The following HNRNPUL1 variants were observed in gnomAD, a reference collection of about 807,000 sequenced individuals.
HNRNPUL1 encodes heterogeneous nuclear ribonucleoprotein U like 1.
A neutral mutation model predicts 108.5 loss-of-function variants in HNRNPUL1; 14 were observed. The observed-to-expected ratio is 0.13, with a 90% CI of 0.09 to 0.20. The LOEUF is 0.20. Among genes scored for constraint, HNRNPUL1 ranks in the 10% least tolerant of loss-of-function variants. The pLI is 1.00. For synonymous variants in HNRNPUL1, 422 were observed against 445.2 expected (o/e 0.95, Z 0.66); for missense variants, 804 against 1,168.3 (o/e 0.69, Z 4.55).
rs1284866109 is a variant in HNRNPUL1 at position 41,306,555 on chromosome 19, G to A, written c.2561G>A (p.Ser854Asn). 6.3e-7 allele frequency: 1 copy of A among 1,582,398 alleles called. No homozygotes were observed. The highest frequency in any genetic ancestry group is 8.6e-7 in the Non-Finnish European group (1 of 1,165,436). ...SYSGNTQGGT[S>N]TQ ...TCCGGGAACACACAGGGTGGCACAA[G>A]TACACAGTAGCCAGTGTGACCCAGA... is the stretch of plus-strand genomic sequence containing the variant. The change falls in exon 15 of 15, where the codon AGT becomes AAT. Residue 854 changes from serine to asparagine, a missense_variant. By Grantham distance (46) the Ser-to-Asn change is conservative. Transcript: ENST00000392006.
chr19:41,277,543 G>C (rs1436929406), intron 5 of HNRNPUL1, among the ~76,000 whole-genome samples: 1 of 152,110 alleles, frequency 6.6e-6, no homozygotes, highest in Non-Finnish European at 1.5e-5. Flanking sequence ...TTTCACTCTT[G>C]TTGTCCAGGC....
intron 10 of HNRNPUL1, among the ~76,000 whole-genome samples, chr19:41,297,009 C>CG (rs1704444916): frequency 6.6e-6 from 1 of 152,200 alleles, no homozygotes; most frequent in Admixed American, 6.5e-5. Context: ...GGCCAGGACT[C>CG]TAACTCCTAC....
rs2035970751 is a variant in HNRNPUL1, at chr19:41,282,694, T to C, written c.999+1419T>C. On this transcript the variant is annotated intron_variant, in intron 7 of 14. Coordinates refer to ENST00000392006, the MANE Select transcript of HNRNPUL1 (RefSeq NM_007040.6). ...TGTGCATATTTTTTTCTTTTTTTCT[T>C]TTTTTTTTTTTTTGAGACGGAGTCT... 2.0e-5 allele frequency among the ~76,000 whole-genome samples: 3 copies of C among 146,998 alleles called. No homozygotes were observed. The South Asian group carries it at 6.4e-4, about 31-fold the overall frequency.
At chr19:41,306,383 G>A (rs1599865298) in intron 14 of HNRNPUL1, 66 bp from the exon 15 acceptor site, 1 of 1,063,462 alleles carries the variant, frequency 9.4e-7, no homozygotes, top group South Asian at 1.7e-5. Flanking sequence ...TGAGGGTGGG[G>A]CTGGTGGGGA....
At chr19:41,303,350 A>ATTTTTT (rs34393408) in intron 12 of HNRNPUL1, among the ~76,000 whole-genome samples, 1 of 119,094 alleles carries the variant, frequency 8.4e-6, no homozygotes, top group African/African-American at 3.3e-5. Flanking sequence ...GCTTCCTCTC[A>ATTTTTT]TTTTTTTTTT....
intron 7 of HNRNPUL1, among the ~76,000 whole-genome samples, chr19:41,291,400 C>T (rs748168310): frequency 3.5e-4 from 53 of 152,292 alleles, no homozygotes; most frequent in Non-Finnish European, 5.6e-4. Context: ...GAACTCAGTT[C>T]GAAAAGGCCC....
intron 6 of HNRNPUL1, among the ~76,000 whole-genome samples, chr19:41,280,683 C>T (rs764210944): frequency 6.6e-6 from 1 of 152,156 alleles, no homozygotes; most frequent in Admixed American, 6.5e-5. Context: ...TGGGATCTCT[C>T]AGTCATATCA....
chr19:41,300,841 G>T (rs1356527198), intron 10 of HNRNPUL1, among the ~76,000 whole-genome samples: 1 of 152,138 alleles, frequency 6.6e-6, no homozygotes, highest in Non-Finnish European at 1.5e-5. Context: ...GAGCTTGCTG[G>T]TTAGAAGCTT....
chr19:41,284,888 C>T (rs573559553), intron 7 of HNRNPUL1, among the ~76,000 whole-genome samples: 3 of 150,400 alleles, frequency 2.0e-5, no homozygotes, highest in South Asian at 4.2e-4. Flanking sequence ...CCCAGCTACT[C>T]GGGAGGCTGA....
intron 7 of HNRNPUL1, among the ~76,000 whole-genome samples, chr19:41,284,063 C>T (rs1285346348): frequency 2.6e-5 from 4 of 152,170 alleles, no homozygotes; most frequent in Non-Finnish European, 5.9e-5. Context: ...AGTGATCTCG[C>T]AATTCTTGTG....
chr19:41,305,222 T>G (rs899852490), intron 13 of HNRNPUL1, among the ~76,000 whole-genome samples: 3 of 152,212 alleles, frequency 2.0e-5, no homozygotes, highest in Admixed American at 1.3e-4. Context: ...TGATCCAACC[T>G]GTACTTGGGA....
At chr19:41,264,281 G>A (rs945350844), upstream of HNRNPUL1, 22 of 402,442 alleles carry the variant, frequency 5.5e-5, no homozygotes, top group Non-Finnish European at 8.2e-5. Context: ...TAGGTTTCCG[G>A]GCCCGCGCCC....
At chr19:41,287,135 CCT>C (rs1408319926) in intron 7 of HNRNPUL1, among the ~76,000 whole-genome samples, 2 of 151,858 alleles carry the variant, frequency 1.3e-5, no homozygotes, top group African/African-American at 4.8e-5. Flanking sequence ...TTTGCCTCAG[CCT>C]CTCAAGTAGC....
chr19:41,272,106 G>GAGCACC lies in HNRNPUL1; in HGVS notation c.444_449dup (p.Ala149_Pro150dup). On this transcript the variant is annotated inframe_insertion, in exon 3 of 15. Coordinates refer to ENST00000392006, the MANE Select transcript of HNRNPUL1 (RefSeq NM_007040.6). ...GAAATGAAGACAGAGATGAAGCAAG[G>GAGCACC]AGCACCCACCAGCTTCCTCCCGCCT... is the stretch of plus-strand genomic sequence containing the variant. 6.2e-7 allele frequency: 1 copy of GAGCACC among 1,614,052 alleles called. No homozygotes were observed. Among genetic ancestry groups the GAGCACC allele is most frequent in the Non-Finnish European group, 8.5e-7 (1 of 1,179,986 alleles).
At chr19:41,280,672 T>C (rs757291665) in intron 6 of HNRNPUL1, among the ~76,000 whole-genome samples, 3 of 152,142 alleles carry the variant, frequency 2.0e-5, no homozygotes, top group Non-Finnish European at 4.4e-5. Context: ...GCCAGAGCCC[T>C]TGGGATCTCT....
chr19:41,295,981 A>C (rs2036870042), intron 10 of HNRNPUL1, among the ~76,000 whole-genome samples: 1 of 152,100 alleles, frequency 6.6e-6, no homozygotes, highest in Non-Finnish European at 1.5e-5. Flanking sequence ...GCCTCACTTT[A>C]CCTGATCCTC....
At chr19:41,276,101 C>T in intron 4 of HNRNPUL1, 58 bp from the exon 5 acceptor site, 2 of 1,609,034 alleles carry the variant, frequency 1.2e-6, no homozygotes, top group East Asian at 2.2e-5. Flanking sequence ...GAAACTCCGT[C>T]TCAAGAAAAC....
At chr19:41,265,057 C>T in intron 1 of HNRNPUL1, 3 of 1,402,286 alleles carry the variant, frequency 2.1e-6, no homozygotes, top group Middle Eastern at 2.6e-4. Flanking sequence ...GGGAGGATTC[C>T]GTACCGTAGG....
chr19:41,265,921 G>A (rs2034811261), intron 1 of HNRNPUL1, among the ~76,000 whole-genome samples: 1 of 152,084 alleles, frequency 6.6e-6, no homozygotes, highest in Non-Finnish European at 1.5e-5. Flanking sequence ...TCAGAGTGGA[G>A]TGTGGGGAAT....
Sources: allele counts gnomAD v4.1 joint callset (sites outside exome capture counted in the v4.1 genomes callset), GRCh38; gene constraint gnomAD v4.1.1; transcripts MANE v1.5; gene names NCBI Gene and HGNC (gene_info 2026-07-23, HGNC 2026-07-21).